Variants in CWH43 observed in about 807,000 individuals in gnomAD.
CWH43 encodes the protein PGAP2-interacting protein.
Under a neutral mutation model 85.7 loss-of-function variants are expected in CWH43, and 91 were observed. The observed-to-expected ratio is 1.06, with a 90% CI of 0.90 to 1.26. CWH43 has a LOEUF of 1.26. CWH43 is among the 50% of genes most tolerant of loss of function. The probability of loss-of-function intolerance (pLI) is 0.00; values close to 1 mark genes in which losing one functional copy is unlikely to be tolerated. For missense variants in CWH43, 869 were observed against 839.2 expected, an observed-to-expected ratio of 1.04 and a Z score of -0.44; for synonymous variants, 323 against 293.6, an observed-to-expected ratio of 1.10 and a Z score of -1.02.
At chr4:49,031,955 G>A (rs555815352) in intron 11 of CWH43, among the ~76,000 whole-genome samples, 1 of 152,280 alleles carries the variant, frequency 6.6e-6, no homozygotes, top group South Asian at 2.1e-4. Flanking sequence ...ATGCCCAGTA[G>A]GCAGTTGGGT....
intron 4 of CWH43, among the ~76,000 whole-genome samples, chr4:48,993,883 T>C (rs1432222178): frequency 1.3e-5 from 2 of 151,954 alleles, no homozygotes; most frequent in South Asian, 4.2e-4. Context: ...GCCTCCCGAG[T>C]AGCTGGGATT....
Position 48,992,159 on chromosome 4 carries a change from G to T in CWH43, c.511+69G>T. 7.6e-7 allele frequency: 1 copy of T among 1,308,650 alleles called. No individual in the cohort carries two copies. Among genetic ancestry groups the T allele is most frequent in the South Asian group, 1.4e-5 (1 of 71,348 alleles). The allele number at this position is 1,308,650 out of a possible 1,614,324, so 81.1% of individuals were successfully genotyped here. On this transcript the variant is annotated intron_variant, in intron 4 of 15. Transcript: ENST00000226432. The surrounding 1 kb of genome is among the most constrained non-coding windows in gnomAD (Gnocchi z 4.3). Reference sequence around the variant, plus strand: ...TTCCTATGTGAATGTTGCACATCTTGGAAAGAAAATCTATAAAAGTAGTCT... The same window carrying T: ...TTCCTATGTGAATGTTGCACATCTTTGAAAGAAAATCTATAAAAGTAGTCT...
intron 6 of CWH43, among the ~76,000 whole-genome samples, chr4:49,002,432 C>A (rs1439372147): frequency 6.6e-6 from 1 of 152,066 alleles, no homozygotes; most frequent in Non-Finnish European, 1.5e-5. Context: ...TCATAAATAG[C>A]AGCATATAGT....
chr4:49,048,655 T>C (rs1784705569), intron 14 of CWH43, among the ~76,000 whole-genome samples: 1 of 151,638 alleles, frequency 6.6e-6, no homozygotes, highest in South Asian at 2.1e-4. Flanking sequence ...AGAGAGAGAG[T>C]GAGCTCTCTG....
intron 15 of CWH43, among the ~76,000 whole-genome samples, chr4:49,059,815 G>A (rs1173645808): frequency 1.3e-5 from 2 of 152,068 alleles, no homozygotes; most frequent in Non-Finnish European, 2.9e-5. Flanking sequence ...TGAAGTCTGG[G>A]TCCATGAGAG....
intron 15 of CWH43, among the ~76,000 whole-genome samples, chr4:49,054,383 A>G (rs1239489747): frequency 6.6e-6 from 1 of 152,158 alleles, no homozygotes; most frequent in Non-Finnish European, 1.5e-5. Context: ...TTTTTATGCC[A>G]GTACCATACT....
chr4:49,022,025 CA>C (rs1435629075), intron 9 of CWH43, among the ~76,000 whole-genome samples: 3 of 152,086 alleles, frequency 2.0e-5, no homozygotes, highest in Admixed American at 2.0e-4. Flanking sequence ...TCCTCTTTAT[CA>C]GTTTGATACC....
chr4:48,992,053 A>G lies in CWH43; in HGVS notation c.474A>G (p.Thr158=). Residue 158 remains threonine (T), a synonymous_variant, in exon 4 of 16, where the codon ACA becomes ACG. Transcript: ENST00000226432. The surrounding 1 kb of genome is among the most constrained non-coding windows in gnomAD (Gnocchi z 4.3). ...SYQMSNKVIL[T]LSAIATLDRI... is the part of the protein sequence containing the mutation. ...AGATGTCCAACAAAGTGATACTGAC[A>G]TTAAGTGCCATAGCCACACTTGATC... 6.2e-7 allele frequency: 1 copy of G among 1,614,124 alleles called. No individual in the cohort carries two copies. The highest frequency in any genetic ancestry group is 1.1e-5 in the South Asian group (1 of 91,072).
intron 9 of CWH43, 72 bp downstream of exon 9, chr4:49,017,400 A>G: frequency 1.8e-6 from 2 of 1,121,086 alleles, no homozygotes; most frequent in Middle Eastern, 2.9e-4. Context: ...ACAATTTACC[A>G]TTCTGATTGA....
At chr4:49,017,374 ATG>A in intron 9 of CWH43, 46 bp downstream of exon 9, 3 of 1,303,750 alleles carry the variant, frequency 2.3e-6, no homozygotes, top group Non-Finnish European at 3.3e-6. Flanking sequence ...TGGTATATAT[ATG>A]TGCATATATT....
chr4:48,998,054 A>G (rs546266368), intron 5 of CWH43, among the ~76,000 whole-genome samples: 3 of 152,324 alleles, frequency 2.0e-5, no homozygotes, highest in South Asian at 2.1e-4. Flanking sequence ...TGGTCTTGGG[A>G]AGGCCGAGAC....
At chr4:49,011,381 G>T (rs1300681385) in intron 8 of CWH43, among the ~76,000 whole-genome samples, 1 of 152,116 alleles carries the variant, frequency 6.6e-6, no homozygotes, top group Non-Finnish European at 1.5e-5. Context: ...GTGCATGCAA[G>T]ATGGGTCTCC....
At chr4:49,026,459 G>A (rs1313567598) in intron 9 of CWH43, among the ~76,000 whole-genome samples, 2 of 152,066 alleles carry the variant, frequency 1.3e-5, no homozygotes, top group African/African-American at 4.8e-5. Context: ...CTCTGTTGAA[G>A]TGGGAGCTGC....
intron 5 of CWH43, among the ~76,000 whole-genome samples, chr4:48,997,061 G>A (rs1368836809): frequency 6.6e-6 from 1 of 152,114 alleles, no homozygotes; most frequent in Non-Finnish European, 1.5e-5. Flanking sequence ...ACTTTTGCAG[G>A]TTTCCTAAAG....
rs763495980 is a variant in CWH43, at chr4:49,028,663, C to A, written c.1301C>A (p.Pro434His). The A allele has an allele frequency of 1.2e-6, 2 of 1,613,780 alleles. No individual in the cohort carries two copies. Among genetic ancestry groups the A allele is most frequent in the East Asian group, 4.5e-5 (2 of 44,858 alleles). Residue 434 changes from proline (P) to histidine (H), a missense_variant, in exon 10 of 16, where the codon CCT becomes CAT. Coordinates refer to ENST00000226432, the MANE Select transcript of CWH43 (RefSeq NM_025087.3). ...AAAGAGGTCTCTGCTGCCATCTGGC[C>A]TTTCAGGTTTGGATATGACAATGAA... ...PTKEVSAAIWPFRFGYDNEGW... is the reference protein window; with the variant it reads ...PTKEVSAAIWHFRFGYDNEGW...
At chr4:49,034,923 G>C (rs1784221567) in intron 12 of CWH43, among the ~76,000 whole-genome samples, 1 of 152,104 alleles carries the variant, frequency 6.6e-6, no homozygotes, top group Admixed American at 6.6e-5. Flanking sequence ...ATGAATATAA[G>C]GTATATTGGG....
At chr4:49,032,770 A>C in intron 12 of CWH43, 55 bp downstream of exon 12, 1 of 1,582,466 alleles carries the variant, frequency 6.3e-7, no homozygotes, top group South Asian at 1.1e-5. Flanking sequence ...TGTTATTAAC[A>C]ATGTACTTTG....
At chr4:48,986,779 G>A (rs1782508828) in intron 1 of CWH43, 2 of 1,239,428 alleles carry the variant, frequency 1.6e-6, no homozygotes, top group Non-Finnish European at 1.0e-6. Flanking sequence ...TTGACCCCGC[G>A]CGGCCGGTAC....
intron 9 of CWH43, among the ~76,000 whole-genome samples, chr4:49,018,065 C>T (rs1783618204): frequency 6.6e-6 from 1 of 151,686 alleles, no homozygotes; most frequent in Admixed American, 6.6e-5. Flanking sequence ...GTCTTGATTT[C>T]CTGACCTTGT....
Sources: gnomAD v4.1 joint callset for allele counts (sites outside exome capture counted in the v4.1 genomes callset) on GRCh38, gnomAD v4.1.1 for gene constraint, Gnocchi (gnomAD v3.1) non-coding constraint, MANE v1.5 for transcripts, NCBI Gene and HGNC (gene_info 2026-07-23, HGNC 2026-07-21) for gene names.